Variants in HYCC1 observed in about 807,000 individuals in gnomAD.
HYCC1 encodes the protein hyccin.
At chr7:23,014,004 C>T in the HYCC1 span, 2 of 471,162 alleles carry the variant, frequency 4.2e-6, no homozygotes, top group African/African-American at 4.0e-5. Flanking sequence ...TGCTCTGCTT[C>T]CTCCCGAGTA....
At chr7:22,952,642 C>T in the HYCC1 span, among the ~76,000 whole-genome samples, 3 of 151,946 alleles carry the variant, frequency 2.0e-5, no homozygotes, top group African/African-American at 7.2e-5. Flanking sequence ...AAACTATTTG[C>T]ATATCTTTCA....
At chr7:22,937,564 C>G in the HYCC1 span, 2 of 152,164 alleles carry the variant, frequency 1.3e-5, no homozygotes, top group Admixed American at 6.6e-5. Flanking sequence ...TCATTTTCAT[C>G]TCCATGAAGA....
At chr7:22,907,799 C>T in the HYCC1 span, among the ~76,000 whole-genome samples, 1 of 152,192 alleles carries the variant, frequency 6.6e-6, no homozygotes, top group South Asian at 2.1e-4. Context: ...ATAGTCCCAG[C>T]TGCCCAGGAG....
At chr7:23,005,618 C>A in the HYCC1 span, among the ~76,000 whole-genome samples, 1 of 152,098 alleles carries the variant, frequency 6.6e-6, no homozygotes, top group Admixed American at 6.5e-5. Flanking sequence ...ATTCCTTAAC[C>A]CCTTTTACAG....
At chr7:22,936,001 A>G in the HYCC1 span, 1 of 148,096 alleles carries the variant, frequency 6.8e-6, no homozygotes, top group Non-Finnish European at 1.5e-5. Flanking sequence ...GCCAATGGGA[A>G]TTTTGATGTT....
At chr7:22,920,083 T>G in the HYCC1 span, among the ~76,000 whole-genome samples, 2 of 152,178 alleles carry the variant, frequency 1.3e-5, no homozygotes, top group African/African-American at 4.8e-5. Context: ...ATCCCAGCAC[T>G]TTGGGAGGCA....
At chr7:22,976,392 G>A in the HYCC1 span, 1 of 925,700 alleles carries the variant, frequency 1.1e-6, no homozygotes, top group South Asian at 1.4e-5. Flanking sequence ...CTTGGGGAGA[G>A]ATACAATGTT....
chr7:22,967,904 T>A, the HYCC1 span, among the ~76,000 whole-genome samples: 1 of 152,162 alleles, frequency 6.6e-6, no homozygotes, highest in African/African-American at 2.4e-5. Flanking sequence ...TACCGTGGTA[T>A]AGTATCAATT....
chr7:22,898,079 C>T, the HYCC1 span, among the ~76,000 whole-genome samples: 55 of 152,246 alleles, frequency 3.6e-4, no homozygotes, highest in Admixed American at 5.2e-4. Context: ...TAGGGTCTTG[C>T]TTTGTTACCC....
chr7:22,928,872 C>T, the HYCC1 span, among the ~76,000 whole-genome samples: 7 of 151,988 alleles, frequency 4.6e-5, no homozygotes, highest in East Asian at 1.9e-4. Flanking sequence ...AAAAAGAGCC[C>T]GCATTGCCAA....
chr7:22,989,924 C>T, the HYCC1 span, among the ~76,000 whole-genome samples: 1 of 152,178 alleles, frequency 6.6e-6, no homozygotes, highest in Non-Finnish European at 1.5e-5. Context: ...TAAGTTCTTA[C>T]TTACTAAGAT....
the HYCC1 span, chr7:22,978,040 G>C: frequency 1.7e-6 from 1 of 596,786 alleles, no homozygotes; most frequent in Non-Finnish European, 3.0e-6. Context: ...TAAAAGAAAT[G>C]AAATGGTCTG....
chr7:22,964,839 T>C, the HYCC1 span, among the ~76,000 whole-genome samples: 1 of 152,084 alleles, frequency 6.6e-6, no homozygotes, highest in Non-Finnish European at 1.5e-5. Context: ...ACCTACTACA[T>C]GAAACTTGGC....
the HYCC1 span, among the ~76,000 whole-genome samples, chr7:22,897,542 G>A: frequency 7.9e-5 from 12 of 152,220 alleles, 1 homozygote; most frequent in South Asian, 4.1e-4. Context: ...CGGCACTGTT[G>A]TGAGAATTAA....
the HYCC1 span, chr7:22,945,394 C>G: frequency 1.7e-6 from 1 of 590,470 alleles, no homozygotes; most frequent in Non-Finnish European, 3.0e-6. Context: ...AAATCTTAAT[C>G]AAGAAATAAC....
chr7:23,011,128 C>T, the HYCC1 span, among the ~76,000 whole-genome samples: 30 of 152,286 alleles, frequency 2.0e-4, no homozygotes, highest in African/African-American at 7.2e-4. Flanking sequence ...TCCTGATGGT[C>T]CTCCTACCTT....
At chr7:22,916,311 C>T in the HYCC1 span, among the ~76,000 whole-genome samples, 1 of 152,074 alleles carries the variant, frequency 6.6e-6, no homozygotes, top group Non-Finnish European at 1.5e-5. Flanking sequence ...CTCTCCTATC[C>T]TAAATACCTC....
the HYCC1 span, among the ~76,000 whole-genome samples, chr7:22,994,459 G>A: frequency 6.6e-6 from 1 of 152,048 alleles, no homozygotes; most frequent in Non-Finnish European, 1.5e-5. Context: ...TCTTGATCTA[G>A]GTGCTGGTTA....
chr7:22,903,388 A>G, the HYCC1 span, among the ~76,000 whole-genome samples: 2 of 152,214 alleles, frequency 1.3e-5, no homozygotes. Context: ...AACAATTATA[A>G]CTATAGATTC....
Sources: gnomAD v4.1 joint callset for allele counts (sites outside exome capture counted in the v4.1 genomes callset) on GRCh38, gnomAD v4.1.1 for gene constraint, MANE v1.5 for transcripts, NCBI Gene and HGNC (gene_info 2026-07-23, HGNC 2026-07-21) for gene names.